The following PTPRD variants were observed in gnomAD, a reference collection of about 807,000 sequenced individuals.
PTPRD encodes the protein receptor-type tyrosine-protein phosphatase delta.
PTPRD carries 34 observed loss-of-function variants against 214.5 expected under a neutral mutation model. That is an observed-to-expected ratio of 0.16 (90% CI 0.12 to 0.21). PTPRD has a LOEUF of 0.21. Among genes scored for constraint, PTPRD ranks in the 10% least tolerant of loss-of-function variants. The pLI, the probability that PTPRD is intolerant of heterozygous loss-of-function variation, is 1.00. For synonymous variants in PTPRD, 1,128 were observed against 845.7 expected (o/e 1.33, Z -5.79); for missense variants, 2,545 against 2,398.7 (o/e 1.06, Z -1.27).
chr9:9,627,862 G>A (rs1245928471), intron 7 of PTPRD, among the ~76,000 whole-genome samples: 1 of 152,174 alleles, frequency 6.6e-6, no homozygotes, highest in Non-Finnish European at 1.5e-5. Flanking sequence ...CTGAGAAACA[G>A]CAGGGTATAA....
chr9:9,814,884 C>T (rs1405596683), intron 5 of PTPRD, among the ~76,000 whole-genome samples: 4 of 147,226 alleles, frequency 2.7e-5, no homozygotes, highest in African/African-American at 1.0e-4. Flanking sequence ...ACTGCAGCCT[C>T]AACCTCCTGG....
chr9:9,495,002 T>G (rs2096104056), intron 8 of PTPRD, among the ~76,000 whole-genome samples: 1 of 152,052 alleles, frequency 6.6e-6, no homozygotes, highest in African/African-American at 2.4e-5. Flanking sequence ...AGCTCAGAAA[T>G]AAACACTCAC....
rs5896269 is a variant in PTPRD, at chr9:8,870,126, T to TA, written c.-103-136181dup. ...TTGGTATATATCTCTTTCCATCAGT[T>TA]AAAAAAAAAAAAAAAAGGTTTAAAC... On this transcript the variant is annotated intron_variant, in intron 11 of 45. Transcript: ENST00000381196. Among the ~76,000 whole-genome samples, 963 of 137,580 alleles carry TA rather than the reference T, an allele frequency of 7.0e-3. 7 individuals carry two copies. Among genetic ancestry groups the TA allele is most frequent in the African/African-American group, 0.01 (386 of 38,024 alleles). The allele number at this position is 137,580 out of a possible 152,430, so 90.3% of individuals were successfully genotyped here. A position where few individuals can be genotyped will look rare whatever the true frequency, so the allele number is the denominator to read the frequency against.
chr9:8,787,056 G>A (rs944801282), intron 11 of PTPRD, among the ~76,000 whole-genome samples: 5 of 151,876 alleles, frequency 3.3e-5, no homozygotes, highest in Non-Finnish European at 7.4e-5. Flanking sequence ...GTCTGGTCTC[G>A]AACTCCTGGG....
intron 6 of PTPRD, among the ~76,000 whole-genome samples, chr9:9,736,478 A>AT (rs1486211151): frequency 6.6e-6 from 1 of 152,070 alleles, no homozygotes; most frequent in East Asian, 1.9e-4. Flanking sequence ...GTTATTAAGA[A>AT]TTACCCTACC....
chr9:8,881,735 G>C (rs1262469453), intron 11 of PTPRD, among the ~76,000 whole-genome samples: 1 of 152,174 alleles, frequency 6.6e-6, no homozygotes, highest in Non-Finnish European at 1.5e-5. Flanking sequence ...CCAGAGAATG[G>C]AAGAAGCAGC....
chr9:8,944,925 A>C (rs10977385), intron 11 of PTPRD, among the ~76,000 whole-genome samples: 1 of 152,030 alleles, frequency 6.6e-6, no homozygotes, highest in Non-Finnish European at 1.5e-5. Context: ...CGTAACACAA[A>C]GAAATGATAA....
intron 4 of PTPRD, among the ~76,000 whole-genome samples, chr9:9,989,560 G>A (rs929689123): frequency 1.1e-4 from 16 of 151,898 alleles, no homozygotes; most frequent in South Asian, 6.3e-4. Flanking sequence ...CCTTCTTGCC[G>A]AGAGCCACTT....
chr9:9,757,815 C>G (rs1439908653), intron 6 of PTPRD, among the ~76,000 whole-genome samples: 4 of 151,946 alleles, frequency 2.6e-5, no homozygotes, highest in Admixed American at 2.0e-4. Context: ...TACTTTTAAC[C>G]ATCTTACTCA....
intron 9 of PTPRD, among the ~76,000 whole-genome samples, chr9:9,212,472 C>A (rs1003057258): frequency 2.0e-5 from 3 of 152,078 alleles, no homozygotes; most frequent in Non-Finnish European, 4.4e-5. Context: ...GTGATTTTAA[C>A]GCTATTAATT....
intron 4 of PTPRD, among the ~76,000 whole-genome samples, chr9:10,027,255 G>T (rs1054539604): frequency 2.0e-5 from 3 of 152,104 alleles, no homozygotes; most frequent in African/African-American, 7.2e-5. Context: ...TAAAATATAT[G>T]TTTAGTGAAT....
rs1400060084 is a variant in PTPRD, at chr9:10,176,292, A to G, written c.-544-142502T>C. Among the ~76,000 whole-genome samples, 3 of 150,402 alleles carry G rather than the reference A, an allele frequency of 2.0e-5. No individual in the cohort carries two copies. The East Asian group carries it at 5.8e-4, about 29-fold the overall frequency. ...GTTTTTAATGTGTTTTTTTTTCCCTATTCCAAATTTGGTAGACGTCTAAAT... is the reference window on the plus strand; with the variant it reads ...GTTTTTAATGTGTTTTTTTTTCCCTGTTCCAAATTTGGTAGACGTCTAAAT... On this transcript the variant is annotated intron_variant, in intron 3 of 45. Transcript: ENST00000381196.
chr9:8,516,247 T>A (rs1223050549), intron 21 of PTPRD, among the ~76,000 whole-genome samples: 1 of 152,042 alleles, frequency 6.6e-6, no homozygotes, highest in Non-Finnish European at 1.5e-5. Context: ...GCCTACAGTA[T>A]TTTTTTTCTG....
At chr9:8,549,110 A>G (rs76006241) in intron 14 of PTPRD, among the ~76,000 whole-genome samples, 197 of 152,300 alleles carry the variant, frequency 1.3e-3, no homozygotes, top group Non-Finnish European at 2.1e-3. Context: ...GGTAGTTACT[A>G]TATTAGTTTA....
intron 3 of PTPRD, among the ~76,000 whole-genome samples, chr9:10,166,078 T>C (rs893990499): frequency 1.3e-5 from 2 of 150,100 alleles, no homozygotes; most frequent in African/African-American, 4.9e-5. Flanking sequence ...ATGCATAATA[T>C]ATAAATACAT....
chr9:8,507,551 G>A, intron 21 of PTPRD, 117 bp from the exon 22 acceptor site: 2 of 1,247,896 alleles, frequency 1.6e-6, no homozygotes, highest in Non-Finnish European at 2.3e-6. Flanking sequence ...CCAGCTTAGT[G>A]GAAAACAAGC....
chr9:9,519,898 C>T (rs1054533991), intron 8 of PTPRD, among the ~76,000 whole-genome samples: 2 of 152,008 alleles, frequency 1.3e-5, no homozygotes, highest in African/African-American at 4.8e-5. Context: ...AGCCTTGCTC[C>T]ACTGATGATC....
At chr9:9,739,331 G>C (rs956573147) in intron 6 of PTPRD, among the ~76,000 whole-genome samples, 1 of 152,128 alleles carries the variant, frequency 6.6e-6, no homozygotes, top group Non-Finnish European at 1.5e-5. Flanking sequence ...ATCATAATAA[G>C]AAAGCACACT....
chr9:8,524,739 G>C (rs771739516), intron 18 of PTPRD, 186 bp downstream of exon 18: 1 of 735,208 alleles, frequency 1.4e-6, no homozygotes. Context: ...ATACTCAAGA[G>C]TTGTCTTTTG....
Sources: gnomAD v4.1 joint callset for allele counts (sites outside exome capture counted in the v4.1 genomes callset) on GRCh38, gnomAD v4.1.1 for gene constraint, MANE v1.5 for transcripts, NCBI Gene and HGNC (gene_info 2026-07-23, HGNC 2026-07-21) for gene names.